Variants in DCDC1 observed in about 807,000 individuals in gnomAD.
The protein encoded by DCDC1 is doublecortin domain-containing protein 1.
A neutral mutation model predicts 178.3 loss-of-function variants in DCDC1; 200 were observed. The observed-to-expected ratio is 1.12, with a 90% CI of 1.00 to 1.26. DCDC1 has a LOEUF of 1.26. Ranked by LOEUF, DCDC1 falls within the 50% of genes most tolerant of loss-of-function variation. DCDC1 has a pLI of 0.00. For missense variants in DCDC1, 1,983 were observed against 1,749.2 expected (o/e 1.13, Z -2.38); for synonymous variants, 690 against 604.8 (o/e 1.14, Z -2.07).
At chr11:31,342,977 G>A (rs993573404) in intron 1 of DCDC1, among the ~76,000 whole-genome samples, 3 of 152,048 alleles carry the variant, frequency 2.0e-5, no homozygotes, top group Admixed American at 6.6e-5. Context: ...AGTAGTTCAG[G>A]AGTCAAAGCT....
chr11:30,887,129 A>G (rs1943246708), intron 36 of DCDC1, among the ~76,000 whole-genome samples: 1 of 152,220 alleles, frequency 6.6e-6, no homozygotes, highest in African/African-American at 2.4e-5. Flanking sequence ...TGTTGTAACT[A>G]ATGAAATGCT....
chr11:31,135,158 C>A (rs1244585217), intron 10 of DCDC1, among the ~76,000 whole-genome samples: 1 of 152,156 alleles, frequency 6.6e-6, no homozygotes, highest in Non-Finnish European at 1.5e-5. Context: ...AGTGGAAGAT[C>A]TAAATCTCAG....
chr11:30,890,097 G>A (rs1206463580), intron 36 of DCDC1, among the ~76,000 whole-genome samples: 1 of 152,152 alleles, frequency 6.6e-6, no homozygotes, highest in Non-Finnish European at 1.5e-5. Flanking sequence ...GCCAAAAAGG[G>A]AGGCCTCACC....
rs529664148 is a variant in DCDC1 at position 31,114,732 on chromosome 11, G to C, written c.1486-4371C>G. On this transcript the variant is annotated intron_variant, in intron 11 of 38. Transcript: ENST00000684477. ...GTAAATAAGAAATCAGAGAGGTAAG[G>C]GGTAGAGAATGAAATGGGGAATCAC... Among the ~76,000 whole-genome samples, 317 of 152,254 alleles carry C rather than the reference G, an allele frequency of 2.1e-3. 1 individual carries two copies. The highest frequency in any genetic ancestry group is 7.2e-3 in the African/African-American group (299 of 41,530).
chr11:31,260,019 G>A (rs1591567727), intron 8 of DCDC1, among the ~76,000 whole-genome samples: 1 of 152,064 alleles, frequency 6.6e-6, no homozygotes, highest in East Asian at 1.9e-4. Flanking sequence ...TGTTTGCTTG[G>A]AAACAAGGCA....
intron 37 of DCDC1, among the ~76,000 whole-genome samples, chr11:30,879,077 T>C (rs1942405636): frequency 6.6e-6 from 1 of 152,192 alleles, no homozygotes; most frequent in African/African-American, 2.4e-5. Flanking sequence ...CAGGGGTTTG[T>C]GTGAAAGAAG....
chr11:31,081,207 T>C (rs1450737441), intron 17 of DCDC1, among the ~76,000 whole-genome samples: 1 of 152,160 alleles, frequency 6.6e-6, no homozygotes, highest in Non-Finnish European at 1.5e-5. Context: ...TAAAAATTAA[T>C]CATAAAGCCA....
At chr11:31,305,889 C>A in intron 5 of DCDC1, 112 bp from the exon 6 acceptor site, 3 of 1,219,640 alleles carry the variant, frequency 2.5e-6, no homozygotes, top group Non-Finnish European at 3.3e-6. Flanking sequence ...GAGTCACTTG[C>A]CAATACAGTT....
chr11:31,364,751 A>C (rs1487634889), intron 1 of DCDC1, among the ~76,000 whole-genome samples: 1 of 152,184 alleles, frequency 6.6e-6, no homozygotes, highest in Non-Finnish European at 1.5e-5. Flanking sequence ...AACAAAGGGA[A>C]AAATGAAAAC....
rs189836194 is a variant in DCDC1 at position 30,976,423 on chromosome 11, A to G, written c.2592-23855T>C. 3.0e-4 allele frequency among the ~76,000 whole-genome samples: 45 copies of G among 152,292 alleles called. 1 individual carries two copies. In the East Asian group the frequency reaches 7.7e-3, roughly 26 times the overall value. On this transcript the variant is annotated intron_variant, in intron 20 of 38. Coordinates refer to ENST00000684477, the MANE Select transcript of DCDC1 (RefSeq NM_001387274.1). ...CTGTTGAATGGGAGAAAATATTTGC[A>G]AACTATTTGTCTGACAAGGGGCTGA...
intron 36 of DCDC1, among the ~76,000 whole-genome samples, chr11:30,891,752 C>T (rs983313909): frequency 2.0e-5 from 3 of 152,142 alleles, no homozygotes; most frequent in African/African-American, 4.8e-5. Context: ...TTGGGGTATA[C>T]ATTTTTCATA....
At chr11:31,196,250 G>GA (rs748835384) in intron 9 of DCDC1, among the ~76,000 whole-genome samples, 14 of 151,906 alleles carry the variant, frequency 9.2e-5, no homozygotes, top group Non-Finnish European at 1.8e-4. Context: ...ACACACTTCT[G>GA]ACAGCAAACG....
chr11:31,195,206 G>A (rs577311273), intron 9 of DCDC1, among the ~76,000 whole-genome samples: 17 of 152,200 alleles, frequency 1.1e-4, no homozygotes, highest in East Asian at 3.9e-4. Context: ...GTGATATAGC[G>A]AAGAGTGGAC....
At chr11:31,336,181 T>G (rs1465243524) in intron 1 of DCDC1, among the ~76,000 whole-genome samples, 1 of 152,130 alleles carries the variant, frequency 6.6e-6, no homozygotes, top group Admixed American at 6.5e-5. Context: ...TGGGAGTATG[T>G]GGGAGTGGAG....
intron 11 of DCDC1, among the ~76,000 whole-genome samples, chr11:31,121,600 G>A (rs900890423): frequency 6.6e-6 from 1 of 151,394 alleles, no homozygotes; most frequent in African/African-American, 2.4e-5. Context: ...AGGATGAAAA[G>A]CTCAGTGAAG....
chr11:31,021,551 T>TA, intron 20 of DCDC1, among the ~76,000 whole-genome samples: 1 of 152,238 alleles, frequency 6.6e-6, no homozygotes, highest in South Asian at 2.1e-4. Flanking sequence ...GTATATGCAT[T>TA]AAAAAAATCT....
intron 1 of DCDC1, among the ~76,000 whole-genome samples, chr11:31,356,181 A>T (rs1041881690): frequency 1.3e-5 from 2 of 152,154 alleles, no homozygotes; most frequent in African/African-American, 4.8e-5. Context: ...AACAAGGGGG[A>T]ATTTTTATGT....
intron 12 of DCDC1, among the ~76,000 whole-genome samples, chr11:31,107,938 T>A (rs1309386477): frequency 3.3e-5 from 5 of 152,210 alleles, no homozygotes; most frequent in East Asian, 3.9e-4. Flanking sequence ...CTGGCCTAAC[T>A]GCAGTTCAGG....
intron 19 of DCDC1, 25 bp downstream of exon 19, chr11:31,064,994 C>A: frequency 4.2e-6 from 3 of 715,524 alleles, no homozygotes; most frequent in Admixed American, 2.2e-5. Context: ...CTATTTCTGT[C>A]TTGCCTCTGG....
Sources: allele counts gnomAD v4.1 joint callset (sites outside exome capture counted in the v4.1 genomes callset), GRCh38; gene constraint gnomAD v4.1.1; transcripts MANE v1.5; gene names NCBI Gene and HGNC (gene_info 2026-07-23, HGNC 2026-07-21).